Variants in AHCYL2 observed in about 807,000 individuals in gnomAD.
AHCYL2 encodes S-adenosylhomocysteine hydrolase-like protein 2.
In AHCYL2, 28 loss-of-function variants were observed where a neutral mutation model predicts 81.4. The observed-to-expected ratio is 0.34, with a 90% CI of 0.25 to 0.47. The LOEUF (loss-of-function observed/expected upper bound fraction) is 0.47, where lower values mean the gene tolerates loss of function less well. Ranked by LOEUF, AHCYL2 falls within the 20% of genes least tolerant of loss-of-function variation. AHCYL2 has a pLI of 1.00. For missense variants in AHCYL2, 551 were observed against 785.1 expected, an observed-to-expected ratio of 0.70 and a Z score of 3.56; for synonymous variants, 272 against 290.2, an observed-to-expected ratio of 0.94 and a Z score of 0.64.
intron 1 of AHCYL2, among the ~76,000 whole-genome samples, chr7:129,371,062 C>A (rs1355486063): frequency 1.3e-5 from 2 of 152,182 alleles, no homozygotes; most frequent in Non-Finnish European, 1.5e-5. Flanking sequence ...GATTTCCAGA[C>A]CTTACTTGTA....
intron 1 of AHCYL2, among the ~76,000 whole-genome samples, chr7:129,370,706 C>G (rs1794365700): frequency 6.6e-6 from 1 of 152,156 alleles, no homozygotes. Flanking sequence ...TCAAAACAAA[C>G]AAACAAAATA....
chr7:129,373,794 G>C (rs980750064), intron 1 of AHCYL2, among the ~76,000 whole-genome samples: 1 of 152,206 alleles, frequency 6.6e-6, no homozygotes, highest in Non-Finnish European at 1.5e-5. Context: ...CTTAGTACAT[G>C]CGGACTGGGG....
At chr7:129,238,603 T>G (rs1331831774) in intron 1 of AHCYL2, among the ~76,000 whole-genome samples, 2 of 152,132 alleles carry the variant, frequency 1.3e-5, no homozygotes, top group Admixed American at 6.6e-5. Flanking sequence ...GGAATTGTAG[T>G]TTGAAGAGGT....
At chr7:129,315,016 A>C (rs940395929) in intron 1 of AHCYL2, among the ~76,000 whole-genome samples, 1 of 152,094 alleles carries the variant, frequency 6.6e-6, no homozygotes, top group African/African-American at 2.4e-5. Context: ...AAGTGAGTTT[A>C]GTATGGAAAG....
intron 1 of AHCYL2, among the ~76,000 whole-genome samples, chr7:129,259,853 G>T (rs1279157597): frequency 6.6e-6 from 1 of 152,162 alleles, no homozygotes. Context: ...GAAGCAGGCA[G>T]ATCATCTGAG....
In AHCYL2 at chr7:129,406,367, C is replaced by G. The variant is rs1796308477; in HGVS notation, c.1207-11C>G. On this transcript the variant is annotated splice_polypyrimidine_tract_variant and intron_variant, in intron 9 of 16. Transcript: ENST00000325006. The surrounding 1 kb of genome is among the most constrained non-coding windows in gnomAD (Gnocchi z 4.3). ...ACTTTCCTTAATATGTGTGCTCTCT[C>G]CCCTCTTCAGGTGGGGAAAGGGTGC... 3 of 1,613,272 alleles carry G rather than the reference C, an allele frequency of 1.9e-6. No individual in the cohort carries two copies. Among genetic ancestry groups the G allele is most frequent in the East Asian group, 2.2e-5 (1 of 44,880 alleles).
At chr7:129,388,818 CGT>C in intron 2 of AHCYL2, 3 of 428,426 alleles carry the variant, frequency 7.0e-6, no homozygotes, top group Non-Finnish European at 8.2e-6. Context: ...AGGACCTCTG[CGT>C]GTTCTGAAGA....
rs36113794 is a variant in AHCYL2 at position 129,370,622 on chromosome 7, C to T, written c.364-9016C>T. 3.3e-5 allele frequency among the ~76,000 whole-genome samples: 5 copies of T among 152,260 alleles called. 1 individual carries two copies. The South Asian group carries it at 8.3e-4, about 25-fold the overall frequency. On this transcript the variant is annotated intron_variant, in intron 1 of 16. Coordinates refer to ENST00000325006, the MANE Select transcript of AHCYL2 (RefSeq NM_015328.4). ...CTGAGGCAGGAGAATAGCATGAACC[C>T]GGGAGGCAGAGCTTACAGTGAGCTG...
At chr7:129,298,633 G>A (rs923163266) in intron 1 of AHCYL2, among the ~76,000 whole-genome samples, 28 of 152,144 alleles carry the variant, frequency 1.8e-4, no homozygotes, top group African/African-American at 6.0e-4. Flanking sequence ...TTTGCTTGGG[G>A]GATAATGGAA....
chr7:129,314,422 T>C (rs1303946408), intron 1 of AHCYL2, among the ~76,000 whole-genome samples: 1 of 152,252 alleles, frequency 6.6e-6, no homozygotes, highest in African/African-American at 2.4e-5. Flanking sequence ...ATTCAGGCTG[T>C]ATACAAACTA....
At chr7:129,424,624 T>A (rs1159300943) in intron 13 of AHCYL2, 2 of 553,914 alleles carry the variant, frequency 3.6e-6, no homozygotes, top group Non-Finnish European at 3.2e-6. Context: ...CAGTGTCATA[T>A]GACCATCTGT....
At chr7:129,410,144 C>G in intron 11 of AHCYL2, 1 of 1,592,034 alleles carries the variant, frequency 6.3e-7, no homozygotes. Context: ...TTGAGATGAA[C>G]GATTATTGGG....
chr7:129,383,602 TC>T (rs1298506501), intron 2 of AHCYL2, among the ~76,000 whole-genome samples: 6 of 152,170 alleles, frequency 3.9e-5, no homozygotes, highest in Non-Finnish European at 8.8e-5. Flanking sequence ...CCTAAAACCT[TC>T]CAGTGGCTTC....
At chr7:129,326,489 A>G (rs1336252454) in intron 1 of AHCYL2, among the ~76,000 whole-genome samples, 1 of 152,058 alleles carries the variant, frequency 6.6e-6, no homozygotes, top group Non-Finnish European at 1.5e-5. Context: ...TCATGCCATT[A>G]CACTCCAGCC....
At chr7:129,264,254 C>A (rs1286955486) in intron 1 of AHCYL2, among the ~76,000 whole-genome samples, 1 of 152,160 alleles carries the variant, frequency 6.6e-6, no homozygotes, top group Non-Finnish European at 1.5e-5. Flanking sequence ...ATCTCCTGAC[C>A]TCGTGATCCA....
intron 1 of AHCYL2, among the ~76,000 whole-genome samples, chr7:129,299,846 C>T (rs546855372): frequency 6.6e-6 from 1 of 152,254 alleles, no homozygotes; most frequent in African/African-American, 2.4e-5. Flanking sequence ...GGATCATGAC[C>T]TGTTGTGGTT....
At chr7:129,273,668 C>T (rs899780363) in intron 1 of AHCYL2, among the ~76,000 whole-genome samples, 1 of 152,104 alleles carries the variant, frequency 6.6e-6, no homozygotes, top group African/African-American at 2.4e-5. Flanking sequence ...CAAAACCTTT[C>T]AATTAGATAA....
At chr7:129,279,062 A>G (rs1796328828) in intron 1 of AHCYL2, among the ~76,000 whole-genome samples, 1 of 152,026 alleles carries the variant, frequency 6.6e-6, no homozygotes, top group Admixed American at 6.5e-5. Context: ...TTACATTTCC[A>G]TGTGAATTTT....
intron 1 of AHCYL2, among the ~76,000 whole-genome samples, chr7:129,357,051 T>C (rs1380618865): frequency 6.6e-6 from 1 of 152,228 alleles, no homozygotes; most frequent in Non-Finnish European, 1.5e-5. Context: ...AGTTTTTTAA[T>C]CAAATCAACG....
Sources: allele counts gnomAD v4.1 joint callset (sites outside exome capture counted in the v4.1 genomes callset), GRCh38; gene constraint gnomAD v4.1.1; non-coding constraint Gnocchi (gnomAD v3.1); transcripts MANE v1.5; gene names NCBI Gene and HGNC (gene_info 2026-07-23, HGNC 2026-07-21).